Variants in DSCAM observed in about 807,000 individuals in gnomAD.
DSCAM encodes the protein DS cell adhesion molecule.
DSCAM carries 47 observed loss-of-function variants against 217.7 expected under a neutral mutation model. That is an observed-to-expected ratio of 0.22 (90% CI 0.17 to 0.28). The LOEUF (loss-of-function observed/expected upper bound fraction) is 0.28. Ranked by LOEUF, DSCAM falls within the 10% of genes least tolerant of loss-of-function variation. DSCAM has a pLI of 1.00. For missense variants in DSCAM, 2,080 were observed against 2,618.3 expected (o/e 0.79, Z 4.49); for synonymous variants, 1,056 against 1,015.3 (o/e 1.04, Z -0.76).
intron 21 of DSCAM, 45 bp from the exon 22 acceptor site, chr21:40,087,332 G>C: frequency 2.0e-6 from 3 of 1,484,080 alleles, no homozygotes; most frequent in Non-Finnish European, 2.8e-6. Context: ...CCACAGACGT[G>C]TCTACACAGA....
intron 3 of DSCAM, among the ~76,000 whole-genome samples, chr21:40,405,712 T>C (rs797005109): frequency 9.8e-5 from 15 of 152,294 alleles, no homozygotes; most frequent in African/African-American, 3.4e-4. Context: ...AAAGATGATA[T>C]ATAGCCGGGC....
chr21:40,541,814 G>A (rs1210063683), intron 3 of DSCAM, among the ~76,000 whole-genome samples: 2 of 152,108 alleles, frequency 1.3e-5, no homozygotes, highest in Non-Finnish European at 2.9e-5. Flanking sequence ...ACCAAATTCA[G>A]CAAAATGTAT....
At chr21:40,213,101 A>T (rs947577262) in intron 11 of DSCAM, among the ~76,000 whole-genome samples, 2 of 152,248 alleles carry the variant, frequency 1.3e-5, no homozygotes, top group African/African-American at 4.8e-5. Flanking sequence ...CATCGTGGTC[A>T]TTTTGCATGG....
chr21:40,040,976 C>T (rs901861704), intron 32 of DSCAM, among the ~76,000 whole-genome samples: 1 of 152,058 alleles, frequency 6.6e-6, no homozygotes, highest in Non-Finnish European at 1.5e-5. Context: ...AACAGCTTGT[C>T]TTTTCCCCTA....
chr21:40,510,414 G>T (rs997814265), intron 3 of DSCAM, among the ~76,000 whole-genome samples: 1 of 152,154 alleles, frequency 6.6e-6, no homozygotes, highest in Non-Finnish European at 1.5e-5. Flanking sequence ...ATAATAAGTT[G>T]CTCAAAATGT....
At chr21:40,806,932 G>T (rs2091793109) in intron 1 of DSCAM, among the ~76,000 whole-genome samples, 1 of 152,136 alleles carries the variant, frequency 6.6e-6, no homozygotes, top group Non-Finnish European at 1.5e-5. Flanking sequence ...GACATGGGGA[G>T]GGGAACATCA....
intron 1 of DSCAM, among the ~76,000 whole-genome samples, chr21:40,810,838 A>G (rs1015889542): frequency 6.6e-6 from 1 of 152,156 alleles, no homozygotes; most frequent in Non-Finnish European, 1.5e-5. Context: ...CTTGGAGTTC[A>G]AGGCTGCAAT....
chr21:40,733,395 AT>A (rs1381690138), intron 1 of DSCAM, among the ~76,000 whole-genome samples: 6 of 152,272 alleles, frequency 3.9e-5, no homozygotes, highest in South Asian at 2.1e-4. Context: ...ACTGGGGGTA[AT>A]TTTGCCCTCC....
rs1208900679 is a variant in DSCAM at position 40,134,521 on chromosome 21, T to G, written c.3407-512A>C. Reference sequence around the variant, plus strand: ...AGTACCTAACTTCATCCCAAATATCTGATCTACCCTCTTCAGCAAGTTTCA... The same window carrying G: ...AGTACCTAACTTCATCCCAAATATCGGATCTACCCTCTTCAGCAAGTTTCA... On this transcript the variant is annotated intron_variant, in intron 18 of 32. Coordinates refer to ENST00000400454, the MANE Select transcript of DSCAM (RefSeq NM_001389.5). 2.0e-5 allele frequency among the ~76,000 whole-genome samples: 3 copies of G among 152,232 alleles called. No individual in the cohort carries two copies. The East Asian group carries it at 5.8e-4, about 29-fold the overall frequency.
intron 3 of DSCAM, among the ~76,000 whole-genome samples, chr21:40,690,070 T>C (rs556634747): frequency 6.6e-6 from 1 of 152,294 alleles, no homozygotes; most frequent in East Asian, 1.9e-4. Flanking sequence ...TATCTGTGCC[T>C]TGTGCTGGTA....
chr21:40,167,050 C>G (rs1473910752), intron 16 of DSCAM, among the ~76,000 whole-genome samples, 168 bp downstream of exon 16: 1 of 151,116 alleles, frequency 6.6e-6, no homozygotes, highest in African/African-American at 2.4e-5. Flanking sequence ...TAAAAGTATT[C>G]AAAATGTGGA....
At position 40,846,641 on chromosome 21, in the gene DSCAM, G is replaced by A. The variant is rs1601341300; in HGVS notation, c.21C>T (p.Ser7=). The change falls in exon 1 of 33, where the codon TCC becomes TCT. Residue 7 remains serine (S), a synonymous_variant. Transcript: ENST00000400454. ...CACCATTCGCGAAGCTCTGGAACAAGGAGAGAGCCAGTATCCACATGCCCC... is the reference window on the plus strand; with the variant it reads ...CACCATTCGCGAAGCTCTGGAACAAAGAGAGAGCCAGTATCCACATGCCCC... The part of the protein sequence containing the change: MWILAL[S]LFQSFANVFS... 2.3e-6 allele frequency: 3 copies of A among 1,309,302 alleles called. No individual in the cohort carries two copies. Among genetic ancestry groups the A allele is most frequent in the Non-Finnish European group, 2.9e-6 (3 of 1,026,394 alleles). The allele number at this position is 1,309,302 out of a possible 1,614,324, so 81.1% of individuals were successfully genotyped here. A position where few individuals can be genotyped will look rare whatever the true frequency, so the allele number is the denominator to read the frequency against.
rs568061045 is a variant in DSCAM at position 40,588,098 on chromosome 21, G to T, written c.508+104712C>A. Among the ~76,000 whole-genome samples, 5 of 152,234 alleles carry T rather than the reference G, an allele frequency of 3.3e-5. No individual in the cohort carries two copies. The East Asian group carries it at 7.7e-4, about 24-fold the overall frequency. On this transcript the variant is annotated intron_variant, in intron 3 of 32. Transcript: ENST00000400454. ...CAGATGCCTTCAGCTGCCAGGCATG[G>T]ACTTAAAGGCGTTCCTGATCCACAT...
chr21:40,604,521 G>A (rs1004152813), intron 3 of DSCAM, among the ~76,000 whole-genome samples: 2 of 152,148 alleles, frequency 1.3e-5, no homozygotes, highest in Non-Finnish European at 2.9e-5. Flanking sequence ...CAGTATTTGG[G>A]TAATGAAAGC....
rs967654923 is a variant in DSCAM at position 40,141,485 on chromosome 21, G to A, written c.3406+1073C>T. Among the ~76,000 whole-genome samples the A allele has an allele frequency of 2.0e-5, 3 of 152,112 alleles. No individual in the cohort carries two copies. In the South Asian group the frequency reaches 6.2e-4, roughly 32 times the overall value. ...CTGAAAATTAGCCAGGTGTGGTGGTGCACGCCTGCAATCCTAGCTACTTGG... is the reference window on the plus strand; with the variant it reads ...CTGAAAATTAGCCAGGTGTGGTGGTACACGCCTGCAATCCTAGCTACTTGG... On this transcript the variant is annotated intron_variant, in intron 18 of 32. Coordinates refer to ENST00000400454, the MANE Select transcript of DSCAM (RefSeq NM_001389.5).
At chr21:40,442,740 G>A (rs1372170977) in intron 3 of DSCAM, among the ~76,000 whole-genome samples, 1 of 152,052 alleles carries the variant, frequency 6.6e-6, no homozygotes, top group Non-Finnish European at 1.5e-5. Context: ...CCGAACTCCT[G>A]ACCTCATGAT....
rs767777598 is a variant in DSCAM at position 40,142,688 on chromosome 21, G to A, written c.3276C>T (p.Pro1092=). The change falls in exon 18 of 33, where the codon CCC becomes CCT. Residue 1092 remains proline (P), a synonymous_variant. Coordinates refer to ENST00000400454, the MANE Select transcript of DSCAM (RefSeq NM_001389.5). ...TTLEDVPSYP[P]ENVQAIATSP... Reference sequence around the variant, plus strand: ...ATGTTGCTATGGCTTGGACATTTTCGGGGGGGTAACTGGGCACTGAAATCA... The same window carrying A: ...ATGTTGCTATGGCTTGGACATTTTCAGGGGGGTAACTGGGCACTGAAATCA... 28 of 1,613,078 alleles carry A rather than the reference G, an allele frequency of 1.7e-5. No individual in the cohort carries two copies. In the African/African-American group the frequency reaches 1.7e-4, roughly 10 times the overall value.
At chr21:40,671,139 G>C (rs1454130028) in intron 3 of DSCAM, among the ~76,000 whole-genome samples, 3 of 152,122 alleles carry the variant, frequency 2.0e-5, no homozygotes, top group African/African-American at 4.8e-5. Context: ...CCCAACTGTA[G>C]TCTTTGACCA....
intron 3 of DSCAM, among the ~76,000 whole-genome samples, chr21:40,598,053 G>T (rs921104197): frequency 1.3e-5 from 2 of 152,184 alleles, no homozygotes; most frequent in African/African-American, 4.8e-5. Context: ...CTAGTGCCAT[G>T]CAGAATAGTT....
Sources: gnomAD v4.1 joint callset for allele counts (sites outside exome capture counted in the v4.1 genomes callset) on GRCh38, gnomAD v4.1.1 for gene constraint, MANE v1.5 for transcripts, NCBI Gene and HGNC (gene_info 2026-07-23, HGNC 2026-07-21) for gene names.